ERBB4: variants seen among roughly 807,000 people sequenced by gnomAD.
ERBB4 encodes erb-b2 receptor tyrosine kinase 4, also known as receptor tyrosine-protein kinase erbB-4.
Under a neutral mutation model 158.0 loss-of-function variants are expected in ERBB4, and 42 were observed. The observed-to-expected ratio is 0.27, with a 90% CI of 0.21 to 0.34. The LOEUF (loss-of-function observed/expected upper bound fraction) is 0.34, where lower values mean the gene tolerates loss of function less well. ERBB4 is among the 10% of genes least tolerant of loss of function. The pLI is 1.00. For missense variants in ERBB4, 1,333 were observed against 1,624.1 expected (o/e 0.82, Z 3.08); for synonymous variants, 583 against 558.7 (o/e 1.04, Z -0.61).
intron 2 of ERBB4, among the ~76,000 whole-genome samples, chr2:212,112,217 C>G (rs1008442925): frequency 6.6e-6 from 1 of 152,042 alleles, no homozygotes; most frequent in African/African-American, 2.4e-5. Context: ...AGGCTGATCT[C>G]AAACTCCTGG....
At chr2:212,241,549 T>C (rs2084106713) in intron 1 of ERBB4, among the ~76,000 whole-genome samples, 2 of 152,212 alleles carry the variant, frequency 1.3e-5, no homozygotes, top group Admixed American at 6.5e-5. Flanking sequence ...AATAACAATG[T>C]TTCTATCCAC....
At chr2:211,523,131 C>G (rs2066233887) in intron 20 of ERBB4, among the ~76,000 whole-genome samples, 1 of 145,666 alleles carries the variant, frequency 6.9e-6, no homozygotes, top group South Asian at 2.5e-4. Flanking sequence ...TGACAGTACC[C>G]CACATAGGAA....
At chr2:212,526,024 G>T (rs1048952028) in intron 1 of ERBB4, among the ~76,000 whole-genome samples, 1 of 151,860 alleles carries the variant, frequency 6.6e-6, no homozygotes, top group Non-Finnish European at 1.5e-5. Context: ...AAATATTTTT[G>T]GTTCTCCTTT....
intron 20 of ERBB4, among the ~76,000 whole-genome samples, chr2:211,494,577 T>G (rs62178805): frequency 6.6e-6 from 1 of 152,086 alleles, no homozygotes; most frequent in African/African-American, 2.4e-5. Context: ...CTTCTTGATA[T>G]GCTTTTTGAG....
intron 5 of ERBB4, among the ~76,000 whole-genome samples, chr2:211,740,777 A>AT (rs1404122205): frequency 4.0e-5 from 6 of 151,502 alleles, no homozygotes; most frequent in South Asian, 4.2e-4. Flanking sequence ...CACCCGACTA[A>AT]TTTTTTGTAT....
In ERBB4 at chr2:211,787,910, T is replaced by C. The variant is rs542333739; in HGVS notation, c.556+115A>G. ...TTGTTCTGCCATATATAACTGAACA[T>C]TTCAATGAATGCAATCAAAGTTCAA... On this transcript the variant is annotated intron_variant, in intron 4 of 27. Transcript: ENST00000342788. The C allele has an allele frequency of 1.3e-4, 133 of 1,005,232 alleles. No homozygotes were observed. The African/African-American group carries it at 1.7e-3, about 13-fold the overall frequency. The allele number at this position is 1,005,232 out of a possible 1,614,324, so 62.3% of individuals were successfully genotyped here.
chr2:212,391,642 A>ATTAT (rs1553631801), intron 1 of ERBB4, among the ~76,000 whole-genome samples: 26 of 138,952 alleles, frequency 1.9e-4, no homozygotes, highest in African/African-American at 5.6e-4. Context: ...ATTGACATAT[A>ATTAT]ATATTATATA....
At chr2:211,985,083 G>A (rs1270072946) in intron 2 of ERBB4, among the ~76,000 whole-genome samples, 2 of 152,136 alleles carry the variant, frequency 1.3e-5, no homozygotes, top group Non-Finnish European at 2.9e-5. Flanking sequence ...AAAATTGTAT[G>A]CATAATCCAA....
At chr2:211,503,319 A>G (rs1029241141) in intron 20 of ERBB4, among the ~76,000 whole-genome samples, 1 of 152,100 alleles carries the variant, frequency 6.6e-6, no homozygotes, top group Non-Finnish European at 1.5e-5. Context: ...CTGCCGAGCC[A>G]GGATAGAACT....
rs1276389180 is a variant in ERBB4 at position 211,584,278 on chromosome 2, GTTGTTA to G, written c.2302-22196_2302-22191del. Among the ~76,000 whole-genome samples the G allele has an allele frequency of 7.9e-5, 12 of 151,832 alleles. 1 individual carries two copies. The South Asian group carries it at 2.5e-3, about 32-fold the overall frequency. On this transcript the variant is annotated intron_variant, in intron 19 of 27. Coordinates refer to ENST00000342788, the MANE Select transcript of ERBB4 (RefSeq NM_005235.3). The stretch of plus-strand genomic sequence containing the variant: ...CACTATTTTGGGGTATTTTGTTTTT[GTTGTTA>G]TTGTTTATATTTCATAGGTGCATAT...
At chr2:211,760,120 G>A (rs2075373330) in intron 4 of ERBB4, among the ~76,000 whole-genome samples, 1 of 152,130 alleles carries the variant, frequency 6.6e-6, no homozygotes, top group Non-Finnish European at 1.5e-5. Context: ...CAGATTTGTA[G>A]CTCATTAAAA....
At chr2:211,436,292 G>A (rs1437671589) in intron 20 of ERBB4, among the ~76,000 whole-genome samples, 2 of 152,138 alleles carry the variant, frequency 1.3e-5, no homozygotes, top group African/African-American at 4.8e-5. Flanking sequence ...AATTTGAATT[G>A]TGCAAACTAC....
rs184988114 is a variant in ERBB4, at chr2:211,903,159, A to C, written c.421+44271T>G. ...TTTCTTTCTTCAAATCATCAGATTGAGTGGCAAATAAATGTTATTACTCAG... is the reference window on the plus strand; with the variant it reads ...TTTCTTTCTTCAAATCATCAGATTGCGTGGCAAATAAATGTTATTACTCAG... On this transcript the variant is annotated intron_variant, in intron 3 of 27. Transcript: ENST00000342788. Among the ~76,000 whole-genome samples, 708 of 149,292 alleles carry C rather than the reference A, an allele frequency of 4.7e-3. 5 individuals carry two copies. Among genetic ancestry groups the C allele is most frequent in the African/African-American group, 0.017 (675 of 40,028 alleles).
intron 19 of ERBB4, among the ~76,000 whole-genome samples, chr2:211,572,229 C>T (rs1308073554): frequency 6.6e-6 from 1 of 152,020 alleles, no homozygotes; most frequent in Non-Finnish European, 1.5e-5. Context: ...TTTTGATTGA[C>T]AACATAGAGT....
chr2:211,745,389 C>T (rs1345361682), intron 5 of ERBB4, among the ~76,000 whole-genome samples: 3 of 152,084 alleles, frequency 2.0e-5, no homozygotes, highest in Admixed American at 6.5e-5. Context: ...TAAGTAATTT[C>T]GCTTTCAAGT....
intron 2 of ERBB4, among the ~76,000 whole-genome samples, chr2:212,097,258 G>A (rs2078958880): frequency 6.6e-6 from 1 of 152,092 alleles, no homozygotes; most frequent in African/African-American, 2.4e-5. Flanking sequence ...AGGGAGAGGG[G>A]AAAAGTGTGC....
At chr2:211,952,602 A>G (rs1437532098) in intron 2 of ERBB4, among the ~76,000 whole-genome samples, 1 of 152,062 alleles carries the variant, frequency 6.6e-6, no homozygotes, top group East Asian at 1.9e-4. Flanking sequence ...ACGGTAGGAA[A>G]TGTGGGCTTG....
intron 1 of ERBB4, among the ~76,000 whole-genome samples, chr2:212,498,625 G>A (rs1057195840): frequency 6.6e-6 from 1 of 151,658 alleles, no homozygotes; most frequent in African/African-American, 2.4e-5. Context: ...TTTCATTCTT[G>A]GAGTCACCCA....
rs112547973 is a variant in ERBB4, at chr2:212,456,114, C to T, written c.82+82335G>A. The stretch of plus-strand genomic sequence containing the variant: ...ATGGTTTACCAAGTAAACTGTAGTA[C>T]ACACTTCCTCTAGAGCATTTTTAAA... On this transcript the variant is annotated intron_variant, in intron 1 of 27. Transcript: ENST00000342788. 7.1e-3 allele frequency among the ~76,000 whole-genome samples: 1,081 copies of T among 152,128 alleles called. 10 individuals carry two copies. Among genetic ancestry groups the T allele is most frequent in the Middle Eastern group, 0.017 (5 of 292 alleles).
Sources: gnomAD v4.1 joint callset for allele counts (sites outside exome capture counted in the v4.1 genomes callset) on GRCh38, gnomAD v4.1.1 for gene constraint, MANE v1.5 for transcripts, NCBI Gene and HGNC (gene_info 2026-07-23, HGNC 2026-07-21) for gene names.